The following ADGRF5 variants were observed in gnomAD, a reference collection of about 807,000 sequenced individuals.
ADGRF5 encodes G-protein coupled receptor 116.
Under a neutral mutation model 132.3 loss-of-function variants are expected in ADGRF5, and 75 were observed. The ratio of observed to expected loss-of-function variants is 0.57; its 90% CI spans 0.47 to 0.69. The LOEUF is 0.69. ADGRF5 is among the 30% of genes least tolerant of loss of function. The pLI is 0.00. For missense variants in ADGRF5, 1,516 were observed against 1,630.6 expected, an observed-to-expected ratio of 0.93 and a Z score of 1.21; for synonymous variants, 629 against 597.6, an observed-to-expected ratio of 1.05 and a Z score of -0.77.
chr6:46,938,647 G>A (rs1298386744), intron 1 of ADGRF5, among the ~76,000 whole-genome samples: 1 of 152,136 alleles, frequency 6.6e-6, no homozygotes, highest in Non-Finnish European at 1.5e-5. Flanking sequence ...TCAACCCTTT[G>A]GGTGTCCCCT....
At position 46,869,081 on chromosome 6, in the gene ADGRF5, T is replaced by G; in HGVS notation, c.1423A>C (p.Ile475Leu). The change falls in exon 12 of 21, where the codon ATA becomes CTA. Residue 475 changes from isoleucine to leucine, a missense_variant. Ile to Leu is a conservative substitution (Grantham distance 5). Coordinates refer to ENST00000283296, the MANE Select transcript of ADGRF5 (RefSeq NM_001098518.2). ...GAAACAGAAATTGGGTCCGGGGTTA[T>G]TGTTAGATTGGCTGAAAAAAAGGCA... Reference protein sequence around the residue: ...VTFISVANLTITPDPISVSEG... With the variant: ...VTFISVANLTLTPDPISVSEG... The G allele has an allele frequency of 1.9e-6, 3 of 1,613,848 alleles. No individual in the cohort carries two copies. Among genetic ancestry groups the G allele is most frequent in the Non-Finnish European group, 2.5e-6 (3 of 1,179,826 alleles).
At chr6:46,917,974 T>C (rs1776573714) in intron 1 of ADGRF5, among the ~76,000 whole-genome samples, 1 of 152,186 alleles carries the variant, frequency 6.6e-6, no homozygotes, top group Non-Finnish European at 1.5e-5. Flanking sequence ...CCACTAAGAG[T>C]CTGAGCTGAT....
chr6:46,938,631 G>A (rs1294833716), intron 1 of ADGRF5, among the ~76,000 whole-genome samples: 1 of 152,158 alleles, frequency 6.6e-6, no homozygotes, highest in Non-Finnish European at 1.5e-5. Context: ...TGGGTAAGGT[G>A]CTTAATCAAC....
At chr6:46,923,134 C>T (rs1250092223), upstream of ADGRF5, among the ~76,000 whole-genome samples, 3 of 152,174 alleles carry the variant, frequency 2.0e-5, no homozygotes, top group Non-Finnish European at 4.4e-5. Flanking sequence ...TCCATGTTGG[C>T]CAGGCTGGTC....
At chr6:46,891,649 T>C (rs1773651758) in intron 3 of ADGRF5, among the ~76,000 whole-genome samples, 2 of 152,232 alleles carry the variant, frequency 1.3e-5, no homozygotes, top group African/African-American at 2.4e-5. Context: ...CTGAGGGTCA[T>C]GTCTGCCCCT....
intron 1 of ADGRF5, among the ~76,000 whole-genome samples, chr6:46,937,905 C>T (rs942237655): frequency 6.6e-6 from 1 of 152,166 alleles, no homozygotes; most frequent in African/African-American, 2.4e-5. Context: ...CATCATGCTG[C>T]TCAGAATAGC....
chr6:46,891,443 T>C (rs756925265), intron 3 of ADGRF5, among the ~76,000 whole-genome samples: 3 of 152,172 alleles, frequency 2.0e-5, no homozygotes, highest in Non-Finnish European at 2.9e-5. Context: ...AACGTTTATA[T>C]CCTCCAGAGG....
At chr6:46,877,279 C>CTTTCTT (rs1285766202) in intron 10 of ADGRF5, among the ~76,000 whole-genome samples, 2 of 48,460 alleles carry the variant, frequency 4.1e-5, no homozygotes, top group East Asian at 4.7e-4. Flanking sequence ...TTCTTTCTTT[C>CTTTCTT]TTTCTTTCTT....
chr6:46,885,217 A>C (rs1772940160), intron 4 of ADGRF5, among the ~76,000 whole-genome samples: 1 of 151,706 alleles, frequency 6.6e-6, no homozygotes, highest in South Asian at 2.1e-4. Context: ...AAAAAGAAAA[A>C]GAAAAAGAAA....
chr6:46,883,735 G>T, intron 5 of ADGRF5, 70 bp from the exon 6 acceptor site: 3 of 847,340 alleles, frequency 3.5e-6, no homozygotes, highest in African/African-American at 1.7e-5. Flanking sequence ...AGAAACATTT[G>T]TAAGCTGTTT....
intron 2 of ADGRF5, among the ~76,000 whole-genome samples, chr6:46,905,623 C>T (rs1775271965): frequency 1.3e-5 from 2 of 151,772 alleles, no homozygotes; most frequent in South Asian, 4.2e-4. Flanking sequence ...CGGGCAAACA[C>T]ACAAACAAAA....
chr6:46,899,276 G>A (rs1405260546), intron 3 of ADGRF5, among the ~76,000 whole-genome samples: 3 of 152,048 alleles, frequency 2.0e-5, no homozygotes, highest in African/African-American at 4.8e-5. Flanking sequence ...CAGAAGGCCT[G>A]GTGAGTCACA....
Position 46,871,969 on chromosome 6 carries a change from G to A in ADGRF5, c.1285C>T (p.Leu429Phe). 1 of 1,612,734 alleles carries A rather than the reference G, an allele frequency of 6.2e-7. No individual in the cohort carries two copies. The highest frequency in any genetic ancestry group is 8.5e-7 in the Non-Finnish European group (1 of 1,179,046). Residue 429 changes from leucine to phenylalanine, a missense_variant, in exon 11 of 21, where the codon CTC becomes TTC. Physicochemically the swap from Leu to Phe is conservative, Grantham distance 22. Coordinates refer to ENST00000283296, the MANE Select transcript of ADGRF5 (RefSeq NM_001098518.2). The stretch of plus-strand genomic sequence containing the variant: ...GGGCACTGGGTTCCATCAGCCTTGA[G>A]GGTGTATCTGCTGCAGCTAGAATCT... ...DIDSSCSRYT[L>F]KADGTQCPSG...
intron 9 of ADGRF5, 135 bp from the exon 10 acceptor site, chr6:46,878,540 G>A (rs220668): frequency 0.87 from 556,536 of 637,534 alleles, 243,790 homozygotes; most frequent in African/African-American, 0.96. Flanking sequence ...TTGGTCTAAA[G>A]ACGCCTAAAA....
At chr6:46,952,430 G>T (rs1778533789) in intron 1 of ADGRF5, among the ~76,000 whole-genome samples, 1 of 152,198 alleles carries the variant, frequency 6.6e-6, no homozygotes, top group Non-Finnish European at 1.5e-5. Context: ...GACTCAGTGA[G>T]TCCTTGACTT....
In ADGRF5 at chr6:46,865,017, TTAAAG is replaced by T. The variant is rs1770252642; in HGVS notation, c.1990+20_1990+24del. ...AAGTCCCTGCCCTGACTATAACATC[TTAAAG>T]TAATTTAAAACGTTCTTACCAGGAA... On this transcript the variant is annotated intron_variant, in intron 14 of 20. Transcript: ENST00000283296. 6.5e-7 allele frequency: 1 copy of T among 1,527,364 alleles called. No homozygotes were observed. Among genetic ancestry groups the T allele is most frequent in the Non-Finnish European group, 9.0e-7 (1 of 1,111,986 alleles). The allele number at this position is 1,527,364 out of a possible 1,614,324, so 94.6% of individuals were successfully genotyped here.
intron 1 of ADGRF5, among the ~76,000 whole-genome samples, chr6:46,930,124 AG>A (rs1207172181): frequency 6.6e-6 from 1 of 152,088 alleles, no homozygotes; most frequent in Non-Finnish European, 1.5e-5. Context: ...CCCAGCCTCC[AG>A]GGCCTATATT....
In ADGRF5 at chr6:46,884,238, G is replaced by C. The variant is rs1406050092; in HGVS notation, c.362C>G (p.Ser121Cys). Residue 121 changes from serine (S) to cysteine (C), a missense_variant, in exon 5 of 21, where the codon TCC (serine) becomes TGC (cysteine). By Grantham distance (112) the Ser-to-Cys change is moderately radical (BLOSUM62 -1). This residue lies in a region of ADGRF5 where 945 missense variants were observed against 929.4 expected (regional missense o/e 1.02). Coordinates refer to ENST00000283296, the MANE Select transcript of ADGRF5 (RefSeq NM_001098518.2). ...AGGCCACCCATAACCTGTCTCGCAG[G>C]AGCACCAGATTTCATTTCCAGCAGG... The part of the protein sequence containing the change: ...CRPAGNEIWC[S>C]CETGYGWPRE... The C allele has an allele frequency of 6.2e-7, 1 of 1,613,858 alleles. No homozygotes were observed. Among genetic ancestry groups the C allele is most frequent in the Non-Finnish European group, 8.5e-7 (1 of 1,179,788 alleles).
Position 46,859,219 on chromosome 6 carries a change from G to A in ADGRF5, c.2684C>T (p.Ser895Leu), listed in dbSNP as rs200599117. The A allele has an allele frequency of 1.4e-4, 232 of 1,613,872 alleles. No individual in the cohort carries two copies. The highest frequency in any genetic ancestry group is 1.7e-4 in the Non-Finnish European group (202 of 1,179,956). ...TGGGAAAGCCATGGTGACAATAGAC[G>A]AATCCGACTGCAAGTTTTCTAGATA... ...KSYLENLQSD[S>L]SIVTMAFPTL... is the part of the protein sequence containing the mutation. Residue 895 changes from serine to leucine, a missense_variant, in exon 17 of 21, where the codon TCG becomes TTG. Physicochemically the swap from Ser to Leu is moderately radical, Grantham distance 145. Around this residue, in one of 2 missense-constraint regions of ADGRF5, gnomAD observed 571 missense variants for 701.2 expected, o/e 0.81. Transcript: ENST00000283296.
Sources: gnomAD v4.1 joint callset for allele counts (sites outside exome capture counted in the v4.1 genomes callset) on GRCh38, gnomAD v4.1.1 for gene constraint, gnomAD v4.1.1 regional missense constraint, MANE v1.5 for transcripts, NCBI Gene and HGNC (gene_info 2026-07-23, HGNC 2026-07-21) for gene names.